DDX5: variants seen among roughly 807,000 people sequenced by gnomAD.
DDX5 encodes probable ATP-dependent RNA helicase DDX5.
A neutral mutation model predicts 68.6 loss-of-function variants in DDX5; 6 were observed. The ratio of observed to expected loss-of-function variants is 0.09; its 90% CI spans 0.05 to 0.17. The LOEUF is 0.17. Ranked by LOEUF, DDX5 falls within the 10% of genes least tolerant of loss-of-function variation. DDX5 has a pLI of 1.00. For missense variants in DDX5, 499 were observed against 756.1 expected (o/e 0.66, Z 3.99); for synonymous variants, 350 against 247.0 (o/e 1.42, Z -3.91).
Position 64,498,644 on chromosome 17 carries a change from G to A in DDX5, c.*1279C>T, listed in dbSNP as rs576143463. On this transcript the variant is annotated 3_prime_UTR_variant, in exon 13 of 13. Transcript: ENST00000225792. ...ACATAAGGCATTAACATCAATTAAA[G>A]CCTCAGTTTAATAATCAGAATTTAA... Among the ~76,000 whole-genome samples, 4 of 152,174 alleles carry A rather than the reference G, an allele frequency of 2.6e-5. No individual in the cohort carries two copies. The highest frequency in any genetic ancestry group is 2.0e-4 in the Admixed American group (3 of 15,296).
Position 64,502,002 on chromosome 17 carries a change from G to C in DDX5, c.1216+8C>G, listed in dbSNP as rs1396888433. 2.5e-6 allele frequency: 4 copies of C among 1,613,662 alleles called. No homozygotes were observed. In the African/African-American group the frequency reaches 4.0e-5, roughly 16 times the overall value. On this transcript the variant is annotated splice_region_variant and intron_variant, in intron 11 of 12. Coordinates refer to ENST00000225792, the MANE Select transcript of DDX5 (RefSeq NM_004396.5). ...GAAACCAAGCCATGAATGCGAGTTT[G>C]TACTAACCTAGCCCTCTGGAGGCCA... is the stretch of plus-strand genomic sequence containing the variant.
chr17:64,504,272 C>T lies in DDX5; in HGVS notation c.257G>A (p.Gly86Asp). 6.2e-7 allele frequency: 1 copy of T among 1,614,056 alleles called. No homozygotes were observed. Among genetic ancestry groups the T allele is most frequent in the Non-Finnish European group, 8.5e-7 (1 of 1,180,010 alleles). Residue 86 changes from glycine (G) to aspartate (D), a missense_variant, in exon 3 of 13, where the codon GGT becomes GAT. Coordinates refer to ENST00000225792, the MANE Select transcript of DDX5 (RefSeq NM_004396.5). The part of the protein sequence containing the change: ...YRRSKEITVR[G>D]HNCPKPVLNF... ...TAGAACTGGCTTCGGGCAGTTGTGA[C>T]CTCTAACTGTAATTTCCTTGCTTCT...
chr17:64,506,019 G>GGGGCCCCCCCC, intron 1 of DDX5, 57 bp downstream of exon 1: 4 of 1,360,436 alleles, frequency 2.9e-6, no homozygotes, highest in Non-Finnish European at 4.1e-6. Flanking sequence ...CCGCCACCCT[G>GGGGCCCCCCCC]ACCCGCCCTC....
intron 1 of DDX5, 44 bp downstream of exon 1, chr17:64,506,032 A>AT (rs782502388): frequency 2.9e-5 from 13 of 449,552 alleles, no homozygotes; most frequent in African/African-American, 4.0e-5. Flanking sequence ...CCGCCCTCCC[A>AT]TCCCCCCACC....
At chr17:64,503,407 A>G (rs202054771) in intron 6 of DDX5, 23 bp downstream of exon 6, 687 of 1,613,864 alleles carry the variant, frequency 4.3e-4, no homozygotes, top group Non-Finnish European at 4.3e-4. Flanking sequence ...CCAATGACAA[A>G]TAAAACCCTT....
upstream of DDX5, chr17:64,506,731 G>T: frequency 2.3e-6 from 1 of 433,034 alleles, no homozygotes; most frequent in Non-Finnish European, 4.2e-6. Context: ...CGTCGGCGGA[G>T]GGATACAAAA....
In DDX5 at chr17:64,502,424, G is replaced by T. The variant is rs781953419; in HGVS notation, c.1094+15C>A. On this transcript the variant is annotated intron_variant, in intron 9 of 12. Transcript: ENST00000225792. The stretch of plus-strand genomic sequence containing the variant: ...GTTTTAATCAATCTGCTTCAATGGA[G>T]GAGCTCACACATACCCATCTCTCCT... The T allele has an allele frequency of 6.3e-7, 1 of 1,578,248 alleles. No homozygotes were observed. The highest frequency in any genetic ancestry group is 8.7e-7 in the Non-Finnish European group (1 of 1,147,978).
Position 64,504,299 on chromosome 17 carries a change from C to T in DDX5, c.230G>A (p.Arg77Lys). The T allele has an allele frequency of 6.2e-7, 1 of 1,614,010 alleles. No individual in the cohort carries two copies. Among genetic ancestry groups the T allele is most frequent in the Non-Finnish European group, 8.5e-7 (1 of 1,179,984 alleles). ...RRTAQEVETY[R>K]RSKEITVRGH... ...TCTAACTGTAATTTCCTTGCTTCTTCTGTATGTTTCCACCTCTTGCTGCAA... is the reference window on the plus strand; with the variant it reads ...TCTAACTGTAATTTCCTTGCTTCTTTTGTATGTTTCCACCTCTTGCTGCAA... Residue 77 changes from arginine to lysine, a missense_variant, in exon 3 of 13, where the codon AGA (arginine) becomes AAA (lysine). By Grantham distance (26) the Arg-to-Lys change is conservative. Transcript: ENST00000225792.
chr17:64,500,845 T>C, intron 11 of DDX5, 72 bp from the exon 12 acceptor site: 2 of 1,124,918 alleles, frequency 1.8e-6, no homozygotes, highest in Non-Finnish European at 2.7e-6. Context: ...AGACCAAAAA[T>C]AAAAAGTTAG....
rs376008452 is a variant in DDX5 at position 64,504,192 on chromosome 17, G to A, written c.307+30C>T. 7.9e-5 allele frequency: 128 copies of A among 1,611,648 alleles called. 1 individual carries two copies. The highest frequency in any genetic ancestry group is 9.4e-5 in the African/African-American group (7 of 74,846). On this transcript the variant is annotated intron_variant, in intron 3 of 12. Transcript: ENST00000225792. The stretch of plus-strand genomic sequence containing the variant: ...AGGGGGTAGGTGGAAACAAAAACAC[G>A]GGTAGGTAGAACTGAAAAGTAGCAC...
In DDX5 at chr17:64,499,746, T is replaced by C. The variant is rs782127234; in HGVS notation, c.*177A>G. ...TTCTAGTACAAAAAAAACCTAAAAATTGTTTCAGGAATGTAGAGAAATATC... is the reference window on the plus strand; with the variant it reads ...TTCTAGTACAAAAAAAACCTAAAAACTGTTTCAGGAATGTAGAGAAATATC... On this transcript the variant is annotated 3_prime_UTR_variant, in exon 13 of 13. Transcript: ENST00000225792. 2 of 527,556 alleles carry C rather than the reference T, an allele frequency of 3.8e-6. No individual in the cohort carries two copies. The highest frequency in any genetic ancestry group is 3.1e-6 in the Non-Finnish European group (1 of 323,074). The allele number at this position is 527,556 out of a possible 1,614,324, so 32.7% of individuals were successfully genotyped here. A position where few individuals can be genotyped will look rare whatever the true frequency, so the allele number is the denominator to read the frequency against.
At chr17:64,506,807 G>C (rs1020795553), upstream of DDX5, 5 of 571,610 alleles carry the variant, frequency 8.7e-6, no homozygotes, top group Non-Finnish European at 1.6e-5. Context: ...GGCTGATGTG[G>C]ACCGTCCGAC....
At chr17:64,505,686 G>C in intron 1 of DDX5, 1 of 1,494,218 alleles carries the variant, frequency 6.7e-7, no homozygotes, top group Non-Finnish European at 9.0e-7. Context: ...CTTTGGAAGT[G>C]GTCCCCTCGC....
At chr17:64,504,501 T>G in intron 2 of DDX5, 176 bp downstream of exon 2, 1 of 951,736 alleles carries the variant, frequency 1.1e-6, no homozygotes. Flanking sequence ...CAACCTAATT[T>G]AAGTAAAAAT....
chr17:64,506,753 A>G (rs782195303), upstream of DDX5: 23 of 480,154 alleles, frequency 4.8e-5, no homozygotes, highest in Non-Finnish European at 7.1e-5. Context: ...GAAATAGCTC[A>G]CCGGAAGTGC....
At position 64,504,399 on chromosome 17, in the gene DDX5, A is replaced by C. The variant is rs191553979; in HGVS notation, c.211-81T>G. ...ACGTAATTGATAAGCCCCTAACTTC[A>C]TAATTTAGTAACTAGTTTAAAGTAG... is the stretch of plus-strand genomic sequence containing the variant. On this transcript the variant is annotated intron_variant, in intron 2 of 12. Transcript: ENST00000225792. The C allele has an allele frequency of 2.6e-5, 33 of 1,248,764 alleles. No individual in the cohort carries two copies. The South Asian group carries it at 3.8e-4, about 15-fold the overall frequency. The allele number at this position is 1,248,764 out of a possible 1,614,324, so 77.4% of individuals were successfully genotyped here.
intron 2 of DDX5, 156 bp from the exon 3 acceptor site, chr17:64,504,474 A>G: frequency 1.1e-6 from 1 of 926,496 alleles, no homozygotes; most frequent in Non-Finnish European, 1.6e-6. Flanking sequence ...ATGAAAAAAA[A>G]AATTTATTGT....
chr17:64,505,169 TC>T, intron 1 of DDX5: 1 of 290,332 alleles, frequency 3.4e-6, no homozygotes, highest in Non-Finnish European at 6.4e-6. Context: ...ACTGTAATCT[TC>T]CCCACCAGCC....
intron 1 of DDX5, chr17:64,505,849 A>T: frequency 6.5e-7 from 1 of 1,535,940 alleles, no homozygotes; most frequent in South Asian, 1.2e-5. Flanking sequence ...CCGCCCCGAC[A>T]GCTCCCCAAT....
Sources: gnomAD v4.1 joint callset for allele counts (sites outside exome capture counted in the v4.1 genomes callset) on GRCh38, gnomAD v4.1.1 for gene constraint, MANE v1.5 for transcripts, NCBI Gene and HGNC (gene_info 2026-07-23, HGNC 2026-07-21) for gene names.